Variants in ASCC3 observed in about 807,000 individuals in gnomAD.
ASCC3 encodes the protein activating signal cointegrator 1 complex subunit 3.
A neutral mutation model predicts 256.3 loss-of-function variants in ASCC3; 158 were observed. That is an observed-to-expected ratio of 0.62 (90% confidence interval 0.54 to 0.70). The LOEUF is 0.70. Ranked by LOEUF, ASCC3 falls within the 30% of genes least tolerant of loss-of-function variation. ASCC3 has a pLI of 0.00. For missense variants in ASCC3, 2,259 were observed against 2,626.0 expected, an observed-to-expected ratio of 0.86 and a Z score of 3.05; for synonymous variants, 948 against 883.4, an observed-to-expected ratio of 1.07 and a Z score of -1.30.
chr6:100,660,436 C>G (rs1776136979), intron 16 of ASCC3, among the ~76,000 whole-genome samples: 1 of 151,588 alleles, frequency 6.6e-6, no homozygotes, highest in Non-Finnish European at 1.5e-5. Context: ...CACTGTTAAC[C>G]CAACACGTAG....
chr6:100,810,915 G>A (rs114975943), intron 4 of ASCC3, among the ~76,000 whole-genome samples: 1,914 of 152,178 alleles, frequency 0.013, 47 homozygotes, highest in African/African-American at 0.043. Context: ...ATAAAAGCAA[G>A]TAAATAGTCT....
chr6:100,862,363 G>A (rs1250773288), intron 3 of ASCC3, among the ~76,000 whole-genome samples: 1 of 152,076 alleles, frequency 6.6e-6, no homozygotes, highest in African/African-American at 2.4e-5. Flanking sequence ...TTAAAACAAT[G>A]AGGACATTCA....
intron 36 of ASCC3, among the ~76,000 whole-genome samples, chr6:100,557,894 AC>A (rs34352109): frequency 0.074 from 11,185 of 150,382 alleles, 965 homozygotes; most frequent in East Asian, 0.31. Context: ...TGAGGGGATC[AC>A]CCCCCCCAAA....
chr6:100,724,149 AAAAAAAAAAAC>A lies in ASCC3; in HGVS notation c.1902+1379_1902+1389del, dbSNP rs1395401918. On this transcript the variant is annotated intron_variant, in intron 11 of 41. Coordinates refer to ENST00000369162, the MANE Select transcript of ASCC3 (RefSeq NM_006828.4). ...TGAGAAAGAGTAGCTACAAAAAAACAAAAAAAAAAACAAAAAAAAACACACAAGTGAAAGTA... is the reference window on the plus strand; with the variant it reads ...TGAGAAAGAGTAGCTACAAAAAAACAAAAAAAAAACACACAAGTGAAAGTA... 4.6e-3 allele frequency among the ~76,000 whole-genome samples: 210 copies of A among 45,940 alleles called. 1 individual carries two copies. The highest frequency in any genetic ancestry group is 0.012 in the African/African-American group (202 of 16,670). 30.1% of individuals were successfully genotyped at this position (45,940 alleles called of 152,430 possible).
chr6:100,676,484 A>T (rs1345059079), intron 14 of ASCC3, among the ~76,000 whole-genome samples: 1 of 152,176 alleles, frequency 6.6e-6, no homozygotes, highest in Non-Finnish European at 1.5e-5. Context: ...TCCTGTGCCC[A>T]GGGAGAGCCC....
intron 4 of ASCC3, among the ~76,000 whole-genome samples, chr6:100,824,956 G>GA (rs1771225990): frequency 6.6e-6 from 1 of 151,946 alleles, no homozygotes; most frequent in African/African-American, 2.4e-5. Flanking sequence ...TAAAGGCCAG[G>GA]AAAAAATTTA....
At chr6:100,767,427 C>A in intron 8 of ASCC3, 82 bp from the exon 9 acceptor site, 1 of 1,402,222 alleles carries the variant, frequency 7.1e-7, no homozygotes, top group Non-Finnish European at 1.0e-6. Context: ...ACATTTATTT[C>A]CTTTGTTTTT....
chr6:100,529,144 G>A (rs1774739759), intron 37 of ASCC3, among the ~76,000 whole-genome samples: 1 of 150,732 alleles, frequency 6.6e-6, no homozygotes, highest in South Asian at 2.1e-4. Context: ...AACATAAAAT[G>A]TGTGTGTGTG....
At chr6:100,827,706 A>G (rs141820714) in intron 4 of ASCC3, among the ~76,000 whole-genome samples, 1 of 152,318 alleles carries the variant, frequency 6.6e-6, no homozygotes, top group East Asian at 1.9e-4. Flanking sequence ...GACAAATGCT[A>G]ACAGGATACT....
At chr6:100,808,425 T>C (rs955411950) in intron 4 of ASCC3, among the ~76,000 whole-genome samples, 2 of 151,892 alleles carry the variant, frequency 1.3e-5, no homozygotes, top group Non-Finnish European at 1.5e-5. Flanking sequence ...CAAAAAAGAA[T>C]ATTAAAAATT....
intron 8 of ASCC3, among the ~76,000 whole-genome samples, chr6:100,783,942 C>T (rs1239111255): frequency 2.0e-5 from 3 of 151,990 alleles, no homozygotes; most frequent in Non-Finnish European, 4.4e-5. Context: ...TTTTATCGTC[C>T]TTCTTTTAAA....
At chr6:100,676,313 T>TA (rs1348899260) in intron 14 of ASCC3, among the ~76,000 whole-genome samples, 4 of 152,148 alleles carry the variant, frequency 2.6e-5, no homozygotes, top group Non-Finnish European at 5.9e-5. Flanking sequence ...CTAGAATAGG[T>TA]ATTATTTACT....
intron 25 of ASCC3, among the ~76,000 whole-genome samples, chr6:100,638,396 A>G (rs1346288084): frequency 6.6e-6 from 1 of 152,198 alleles, no homozygotes; most frequent in South Asian, 2.1e-4. Flanking sequence ...GACTTGCTTT[A>G]TTGTGACATT....
At position 100,767,473 on chromosome 6, in the gene ASCC3, C is replaced by G. The variant is rs74849402; in HGVS notation, c.1396-128G>C. ...ACTAATTTGTACTTTCACAATGTGT[C>G]TTTTATTTAAACGGAGGTATATGCA... On this transcript the variant is annotated intron_variant, in intron 8 of 41. Coordinates refer to ENST00000369162, the MANE Select transcript of ASCC3 (RefSeq NM_006828.4). 6.3e-4 allele frequency: 612 copies of G among 965,372 alleles called. 4 individuals are homozygous for G. The African/African-American group carries it at 9.0e-3, about 14-fold the overall frequency. 59.8% of individuals were successfully genotyped at this position (965,372 alleles called of 1,614,324 possible).
intron 15 of ASCC3, 131 bp downstream of exon 15, chr6:100,662,214 T>A: frequency 8.7e-7 from 1 of 1,152,174 alleles, no homozygotes; most frequent in Non-Finnish European, 1.2e-6. Context: ...AGAAAATAAT[T>A]CTGACCTTTT....
chr6:100,655,603 A>G, intron 17 of ASCC3, 96 bp downstream of exon 17: 1 of 1,410,788 alleles, frequency 7.1e-7, no homozygotes, highest in Non-Finnish European at 9.8e-7. Context: ...ACCTCTTTTC[A>G]GATGAGGCAA....
chr6:100,655,072 A>G (rs554374927), intron 17 of ASCC3, among the ~76,000 whole-genome samples: 1 of 151,938 alleles, frequency 6.6e-6, no homozygotes. Flanking sequence ...TTTATCTGCA[A>G]TTAGGACACA....
rs1431900421 is a variant in ASCC3 at position 100,614,424 on chromosome 6, T to C, written c.4786-7336A>G. Among the ~76,000 whole-genome samples, 3 of 152,302 alleles carry C rather than the reference T, an allele frequency of 2.0e-5. No individual in the cohort carries two copies. The East Asian group carries it at 5.8e-4, about 29-fold the overall frequency. The stretch of plus-strand genomic sequence containing the variant: ...TGCTATACAATCACAGTAATAACAG[T>C]TAATATTTATTAAACATTTAACTAT... On this transcript the variant is annotated intron_variant, in intron 30 of 41. Coordinates refer to ENST00000369162, the MANE Select transcript of ASCC3 (RefSeq NM_006828.4).
intron 11 of ASCC3, 67 bp from the exon 12 acceptor site, chr6:100,718,318 G>C: frequency 1.5e-6 from 2 of 1,371,944 alleles, no homozygotes; most frequent in South Asian, 2.8e-5. Flanking sequence ...ATTATAATTT[G>C]TCCTATTAAT....
Sources: allele counts gnomAD v4.1 joint callset (sites outside exome capture counted in the v4.1 genomes callset), GRCh38; gene constraint gnomAD v4.1.1; transcripts MANE v1.5; gene names NCBI Gene and HGNC (gene_info 2026-07-23, HGNC 2026-07-21).